ENDOV: variants seen among roughly 807,000 people sequenced by gnomAD.
ENDOV encodes the protein endonuclease V.
Under a neutral mutation model 39.4 loss-of-function variants are expected in ENDOV, and 37 were observed. The observed-to-expected ratio is 0.94, with a 90% confidence interval of 0.72 to 1.23. The LOEUF (loss-of-function observed/expected upper bound fraction) is 1.23. Among genes scored for constraint, ENDOV ranks in the 50% most tolerant of loss-of-function variants. ENDOV has a pLI of 0.00. For missense variants in ENDOV, 441 were observed against 375.7 expected (o/e 1.17, Z -1.44); for synonymous variants, 186 against 163.4 (o/e 1.14, Z -1.05).
chr17:80,419,844 AT>A (rs1335244446), intron 2 of ENDOV: 8 of 601,664 alleles, frequency 1.3e-5, no homozygotes, highest in Non-Finnish European at 2.4e-5. Context: ...CACCCACGCC[AT>A]TTCAGTCGGT....
At chr17:80,433,287 T>C (rs1248266214) in intron 9 of ENDOV, 2 of 509,016 alleles carry the variant, frequency 3.9e-6, no homozygotes, top group Admixed American at 2.0e-5. Flanking sequence ...AGGTGAAGTG[T>C]GTAAGGGCTC....
chr17:80,426,562 G>A (rs2082709229), intron 7 of ENDOV, among the ~76,000 whole-genome samples: 1 of 152,214 alleles, frequency 6.6e-6, no homozygotes, highest in Non-Finnish European at 1.5e-5. Context: ...GAGGCGGGAG[G>A]ATCACCTGAG....
intron 2 of ENDOV, chr17:80,416,395 G>A (rs9893968): frequency 0.56 from 86,057 of 152,742 alleles, 24,954 homozygotes; most frequent in Middle Eastern, 0.65. Context: ...TGTCCACCAC[G>A]CTCCCAGTTG....
At chr17:80,428,163 G>A (rs1483636139) in intron 7 of ENDOV, among the ~76,000 whole-genome samples, 2 of 152,222 alleles carry the variant, frequency 1.3e-5, no homozygotes, top group African/African-American at 4.8e-5. Flanking sequence ...TCTAGTCAGG[G>A]AGAGGACAGA....
At chr17:80,424,743 T>G (rs2144997923) in intron 5 of ENDOV, among the ~76,000 whole-genome samples, 1 of 152,238 alleles carries the variant, frequency 6.6e-6, no homozygotes, top group East Asian at 1.9e-4. Flanking sequence ...ATCACGCGAT[T>G]AGGAGATCGA....
chr17:80,427,050 G>A (rs1470638989), intron 7 of ENDOV, among the ~76,000 whole-genome samples: 1 of 152,222 alleles, frequency 6.6e-6, no homozygotes, highest in Non-Finnish European at 1.5e-5. Flanking sequence ...GCGCAGTGTG[G>A]CCTCCAGGGG....
At chr17:80,418,593 G>A (rs960041715) in intron 2 of ENDOV, 1 of 152,168 alleles carries the variant, frequency 6.6e-6, no homozygotes, top group Non-Finnish European at 1.5e-5. Context: ...CTGAATGCCC[G>A]ACCGTGGACC....
intron 7 of ENDOV, among the ~76,000 whole-genome samples, chr17:80,426,091 CTG>C (rs1450400776): frequency 6.6e-6 from 1 of 152,172 alleles, no homozygotes; most frequent in Non-Finnish European, 1.5e-5. Context: ...CAGCACAAAA[CTG>C]GTGTTCGGTC....
At chr17:80,432,799 C>T (rs1387602821) in intron 9 of ENDOV, among the ~76,000 whole-genome samples, 1 of 152,066 alleles carries the variant, frequency 6.6e-6, no homozygotes, top group Non-Finnish European at 1.5e-5. Context: ...AGGGGAGCTG[C>T]TGACTGCAGG....
At chr17:80,423,710 C>A in intron 5 of ENDOV, 78 bp downstream of exon 5, 1 of 1,363,300 alleles carries the variant, frequency 7.3e-7, no homozygotes, top group Non-Finnish European at 1.0e-6. Context: ...GAGGACACTT[C>A]TGGACCAGCC....
intron 4 of ENDOV, 109 bp from the exon 5 acceptor site, chr17:80,423,411 C>A: frequency 9.3e-7 from 1 of 1,070,502 alleles, no homozygotes; most frequent in Non-Finnish European, 1.3e-6. Flanking sequence ...TGCCTGTCCA[C>A]AGACCTCTGC....
chr17:80,421,768 T>A, intron 2 of ENDOV, 60 bp from the exon 3 acceptor site: 1 of 1,548,674 alleles, frequency 6.5e-7, no homozygotes, highest in South Asian at 1.2e-5. Context: ...ATGGACGGAC[T>A]GGGGATGGAG....
intron 2 of ENDOV, chr17:80,416,260 A>G (rs2081157413): frequency 6.9e-6 from 1 of 145,244 alleles, no homozygotes; most frequent in South Asian, 1.6e-4. Flanking sequence ...AAAAAAAAAA[A>G]GTCTGGGGAG....
chr17:80,424,962 A>G, intron 5 of ENDOV, 70 bp from the exon 6 acceptor site: 1 of 1,344,924 alleles, frequency 7.4e-7, no homozygotes, highest in Non-Finnish European at 1.0e-6. Context: ...CTCAAAAAAT[A>G]GAGACTTGCC....
At position 80,425,050 on chromosome 17, in the gene ENDOV, CGA is replaced by C. The variant is rs747071658; in HGVS notation, c.537_538del (p.Gly180ArgfsTer60). ...TTTCCAGATCCGACTCCTGCAGACT[CGA>C]GGAGACTCATTCCCTCTGCTGGGAG... Reference protein sequence around the residue: ...HKEKIRLLQTRGDSFPLLGDS... With the variant: ...HKEKIRLLQTXGDSFPLLGDS... On this transcript the variant is annotated frameshift_variant, in exon 6 of 10. Coordinates refer to ENST00000518137, the MANE Select transcript of ENDOV (RefSeq NM_173627.5). LOFTEE classifies it high-confidence loss of function. The C allele has an allele frequency of 9.9e-6, 16 of 1,612,396 alleles. No homozygotes were observed. The highest frequency in any genetic ancestry group is 1.3e-5 in the Non-Finnish European group (15 of 1,179,360).
chr17:80,420,066 T>C, intron 2 of ENDOV: 1 of 233,580 alleles, frequency 4.3e-6, no homozygotes, highest in African/African-American at 2.2e-5. Context: ...CTGTTGCTGC[T>C]CTGGAATATT....
intron 2 of ENDOV, chr17:80,419,998 T>TC (rs889487473): frequency 3.9e-5 from 12 of 310,752 alleles, no homozygotes; most frequent in African/African-American, 2.3e-4. Flanking sequence ...TGTACATACA[T>TC]CCCCCCAAAT....
At chr17:80,422,695 G>A (rs1387216444) in intron 4 of ENDOV, among the ~76,000 whole-genome samples, 4 of 152,076 alleles carry the variant, frequency 2.6e-5, no homozygotes, top group Non-Finnish European at 5.9e-5. Context: ...GCGTGGCTGA[G>A]GGAGATGGGC....
At chr17:80,430,193 A>G (rs1386546485) in intron 9 of ENDOV, 8 of 1,478,984 alleles carry the variant, frequency 5.4e-6, no homozygotes, top group Non-Finnish European at 6.3e-6. Flanking sequence ...CAGAGGACAG[A>G]TCTCTATGGG....
Sources: gnomAD v4.1 joint callset for allele counts (sites outside exome capture counted in the v4.1 genomes callset) on GRCh38, gnomAD v4.1.1 for gene constraint, MANE v1.5 for transcripts, NCBI Gene and HGNC (gene_info 2026-07-23, HGNC 2026-07-21) for gene names.